The following TMEM132D variants were observed in gnomAD, a reference collection of about 807,000 sequenced individuals.
The protein encoded by TMEM132D is mature OL transmembrane protein.
In TMEM132D, 21 loss-of-function variants were observed where a neutral mutation model predicts 62.3. That is an observed-to-expected ratio of 0.34 (90% CI 0.24 to 0.49). The LOEUF (loss-of-function observed/expected upper bound fraction) is 0.49, where lower values mean the gene tolerates loss of function less well. Ranked by LOEUF, TMEM132D falls within the 20% of genes least tolerant of loss-of-function variation. The probability of loss-of-function intolerance (pLI) is 0.99; values close to 1 mark genes in which losing one functional copy is unlikely to be tolerated. For missense variants in TMEM132D, 1,346 were observed against 1,402.8 expected (o/e 0.96, Z 0.65); for synonymous variants, 621 against 575.6 (o/e 1.08, Z -1.13).
chr12:129,444,134 G>A (rs1873023441), intron 3 of TMEM132D, among the ~76,000 whole-genome samples: 1 of 152,076 alleles, frequency 6.6e-6, no homozygotes, highest in Admixed American at 6.6e-5. Context: ...AGACTTAAAT[G>A]TAAAACCCAC....
At chr12:129,278,056 C>T (rs986418552) in intron 4 of TMEM132D, among the ~76,000 whole-genome samples, 1 of 152,200 alleles carries the variant, frequency 6.6e-6, no homozygotes, top group Admixed American at 6.5e-5. Context: ...TGAGTCTTCT[C>T]AAAGACAGAC....
chr12:129,846,654 TTC>T (rs752759400), intron 1 of TMEM132D, among the ~76,000 whole-genome samples: 39 of 152,162 alleles, frequency 2.6e-4, no homozygotes, highest in Admixed American at 3.9e-4. Context: ...CTTTGGAAAA[TTC>T]TCTGTTTCTC....
intron 3 of TMEM132D, among the ~76,000 whole-genome samples, chr12:129,443,049 G>A (rs1593010740): frequency 1.3e-5 from 2 of 152,176 alleles, no homozygotes; most frequent in African/African-American, 4.8e-5. Flanking sequence ...GCTTCAGGGT[G>A]GGGCATCTTT....
intron 4 of TMEM132D, among the ~76,000 whole-genome samples, chr12:129,242,880 A>G (rs1199460412): frequency 6.6e-6 from 1 of 152,242 alleles, no homozygotes; most frequent in Non-Finnish European, 1.5e-5. Flanking sequence ...ATAAGAATAT[A>G]CAAGTGAATA....
At chr12:129,729,250 A>G (rs1275413585) in intron 1 of TMEM132D, among the ~76,000 whole-genome samples, 1 of 152,200 alleles carries the variant, frequency 6.6e-6, no homozygotes, top group Non-Finnish European at 1.5e-5. Context: ...ACTGGCAAAA[A>G]CACTTAGCTC....
intron 3 of TMEM132D, among the ~76,000 whole-genome samples, chr12:129,341,074 T>C (rs1869464675): frequency 6.6e-6 from 1 of 152,230 alleles, no homozygotes; most frequent in Non-Finnish European, 1.5e-5. Flanking sequence ...GGAATTTGAA[T>C]TTTAATGCCC....
rs139384470 is a variant in TMEM132D at position 129,467,895 on chromosome 12, C to T, written c.1115+63164G>A. ...TCGGAAGGAGGCAAGCCCAGAACCG[C>T]GCTTTAGAGGGATTAATCAAGCAGC... On this transcript the variant is annotated intron_variant, in intron 3 of 8. Transcript: ENST00000422113. 1.8e-3 allele frequency among the ~76,000 whole-genome samples: 272 copies of T among 152,150 alleles called. 2 individuals carry two copies. Among genetic ancestry groups the T allele is most frequent in the African/African-American group, 5.3e-3 (221 of 41,508 alleles).
At chr12:129,240,983 A>G (rs1419883855) in intron 4 of TMEM132D, among the ~76,000 whole-genome samples, 2 of 152,048 alleles carry the variant, frequency 1.3e-5, no homozygotes, top group Non-Finnish European at 1.5e-5. Flanking sequence ...CATCACGTCC[A>G]TCGCAACCCA....
chr12:129,197,677 G>A (rs1168102464), intron 5 of TMEM132D, among the ~76,000 whole-genome samples: 1 of 152,126 alleles, frequency 6.6e-6, no homozygotes, highest in Non-Finnish European at 1.5e-5. Context: ...ACCAGAAACT[G>A]CAAAACTACT....
At chr12:129,593,663 T>A (rs1443497209) in intron 2 of TMEM132D, among the ~76,000 whole-genome samples, 1 of 152,190 alleles carries the variant, frequency 6.6e-6, no homozygotes, top group Non-Finnish European at 1.5e-5. Context: ...AGGCCCACCT[T>A]GGAGAGGAAG....
chr12:129,588,525 G>C (rs1028583723), intron 2 of TMEM132D, among the ~76,000 whole-genome samples: 7 of 152,034 alleles, frequency 4.6e-5, no homozygotes, highest in Non-Finnish European at 2.9e-5. Context: ...TGCCAGAGAA[G>C]GTGGATGAAA....
intron 5 of TMEM132D, among the ~76,000 whole-genome samples, chr12:129,159,212 G>A (rs1190037907): frequency 6.6e-6 from 1 of 152,192 alleles, no homozygotes; most frequent in Non-Finnish European, 1.5e-5. Flanking sequence ...GGGAAGTGGA[G>A]TTTTAATTCA....
chr12:129,514,077 G>A (rs994002453), intron 3 of TMEM132D, among the ~76,000 whole-genome samples: 1 of 150,820 alleles, frequency 6.6e-6, no homozygotes, highest in African/African-American at 2.4e-5. Flanking sequence ...CTGACCTTGT[G>A]ATCCGCCCGC....
At chr12:129,295,101 C>T (rs1881535595) in intron 4 of TMEM132D, among the ~76,000 whole-genome samples, 1 of 152,140 alleles carries the variant, frequency 6.6e-6, no homozygotes, top group Non-Finnish European at 1.5e-5. Context: ...AAAAGATTGG[C>T]CTCCTGCAAG....
intron 1 of TMEM132D, among the ~76,000 whole-genome samples, chr12:129,722,251 T>C (rs1219389344): frequency 6.6e-6 from 1 of 152,184 alleles, no homozygotes; most frequent in African/African-American, 2.4e-5. Flanking sequence ...ACACACAATC[T>C]GTTGTCAGAA....
intron 5 of TMEM132D, among the ~76,000 whole-genome samples, chr12:129,100,881 TG>T (rs1306881945): frequency 6.6e-6 from 1 of 152,032 alleles, no homozygotes; most frequent in Non-Finnish European, 1.5e-5. Flanking sequence ...GGTCAAATCC[TG>T]GGGGGAGGCA....
chr12:129,158,684 C>A (rs894016062), intron 5 of TMEM132D, among the ~76,000 whole-genome samples: 3 of 152,072 alleles, frequency 2.0e-5, no homozygotes, highest in African/African-American at 7.2e-5. Context: ...TTAGGAGAAA[C>A]ACTGGAAGAG....
At chr12:129,824,307 A>AT (rs1295930229) in intron 1 of TMEM132D, among the ~76,000 whole-genome samples, 1 of 152,120 alleles carries the variant, frequency 6.6e-6, no homozygotes, top group East Asian at 1.9e-4. Flanking sequence ...CAACTCCATA[A>AT]TTTTTCAGGT....
intron 2 of TMEM132D, among the ~76,000 whole-genome samples, chr12:129,678,813 C>G (rs748745313): frequency 6.6e-5 from 10 of 152,040 alleles, no homozygotes; most frequent in Non-Finnish European, 1.5e-4. Context: ...TGGCATGAAG[C>G]AGGAATCTCA....
Sources: gnomAD v4.1 joint callset for allele counts (sites outside exome capture counted in the v4.1 genomes callset) on GRCh38, gnomAD v4.1.1 for gene constraint, MANE v1.5 for transcripts, NCBI Gene and HGNC (gene_info 2026-07-23, HGNC 2026-07-21) for gene names.